Variants in TRRAP observed in about 807,000 individuals in gnomAD.
TRRAP encodes the protein transformation/transcription domain associated protein.
In TRRAP, 41 loss-of-function variants were observed where a neutral mutation model predicts 438.8. That is an observed-to-expected ratio of 0.09 (90% CI 0.07 to 0.12). The LOEUF (loss-of-function observed/expected upper bound fraction) is 0.12, where lower values mean the gene tolerates loss of function less well. TRRAP is among the 10% of genes least tolerant of loss of function. The pLI, the probability that TRRAP is intolerant of heterozygous loss-of-function variation, is 1.00. For synonymous variants in TRRAP, 1,994 were observed against 1,962.9 expected (o/e 1.02, Z -0.42); for missense variants, 3,122 against 5,055.1 (o/e 0.62, Z 11.60).
chr7:98,916,577 G>A (rs1789528978), intron 19 of TRRAP, among the ~76,000 whole-genome samples: 1 of 152,170 alleles, frequency 6.6e-6, no homozygotes, highest in South Asian at 2.1e-4. Context: ...ATCCTTTACT[G>A]TTGACTGAAA....
chr7:98,992,305 C>G (rs553367696), intron 65 of TRRAP, 78 bp downstream of exon 65: 2 of 1,457,566 alleles, frequency 1.4e-6, no homozygotes, highest in Admixed American at 1.7e-5. Flanking sequence ...GACAGACCAC[C>G]GCAGCCACCC....
Position 98,965,949 on chromosome 7 carries a change from G to A in TRRAP, c.7176+54G>A, listed in dbSNP as rs868741506. ...TCCCTTTCAATAAAAGAAAATTCAA[G>A]CCTCAACATCTTGGTCTTTCTGAAA... On this transcript the variant is annotated intron_variant, in intron 49 of 72. Transcript: ENST00000456197. 26 of 1,590,896 alleles carry A rather than the reference G, an allele frequency of 1.6e-5. No homozygotes were observed. The Middle Eastern group carries it at 5.0e-4, about 30-fold the overall frequency.
intron 22 of TRRAP, among the ~76,000 whole-genome samples, chr7:98,925,587 G>A (rs1423856109): frequency 3.3e-5 from 5 of 152,190 alleles, no homozygotes; most frequent in East Asian, 1.9e-4. Context: ...AGCAGCTGGC[G>A]CCTGAAAGGC....
In TRRAP at chr7:98,961,526, G is replaced by A. The variant is rs1245088955; in HGVS notation, c.6703+52G>A. Reference sequence around the variant, plus strand: ...TTCTTTCAAAGTGGACGGTGGGCGCGGAGCTTGCTATGAGAGCGCTTGTCC... The same window carrying A: ...TTCTTTCAAAGTGGACGGTGGGCGCAGAGCTTGCTATGAGAGCGCTTGTCC... On this transcript the variant is annotated intron_variant, in intron 46 of 72. Transcript: ENST00000456197. 37 of 1,594,670 alleles carry A rather than the reference G, an allele frequency of 2.3e-5. No homozygotes were observed. In the East Asian group the frequency reaches 5.2e-4, roughly 22 times the overall value.
intron 45 of TRRAP, among the ~76,000 whole-genome samples, chr7:98,960,604 G>GT (rs1791843212): frequency 6.6e-6 from 1 of 151,730 alleles, no homozygotes; most frequent in Admixed American, 6.6e-5. Flanking sequence ...TTTTTGTTTC[G>GT]TTTTTTTGAG....
Position 98,970,108 on chromosome 7 carries a change from G to A in TRRAP, c.7513-4G>A, listed in dbSNP as rs555843652. 1.2e-6 allele frequency: 2 copies of A among 1,613,520 alleles called. No homozygotes were observed. The highest frequency in any genetic ancestry group is 1.3e-5 in the African/African-American group (1 of 74,998). On this transcript the variant is annotated splice_region_variant and splice_polypyrimidine_tract_variant and intron_variant, in intron 51 of 72. Transcript: ENST00000456197. ...GGTCTGTCTCCTTTCCGCACCCCTT[G>A]CAGCTGCTTCTGGCCGTGTGTGAGA...
At chr7:98,904,242 G>C (rs1261398688) in intron 12 of TRRAP, among the ~76,000 whole-genome samples, 2 of 152,050 alleles carry the variant, frequency 1.3e-5, no homozygotes, top group African/African-American at 2.4e-5. Flanking sequence ...CCAGCACTTA[G>C]GGAGGCCGAG....
At chr7:98,969,804 C>A (rs1705997729) in intron 51 of TRRAP, among the ~76,000 whole-genome samples, 1 of 152,128 alleles carries the variant, frequency 6.6e-6, no homozygotes, top group African/African-American at 2.4e-5. Flanking sequence ...GAGGACGAGT[C>A]TGGGGGTGAG....
chr7:98,953,023 A>G, intron 39 of TRRAP, 144 bp from the exon 40 acceptor site: 1 of 871,808 alleles, frequency 1.1e-6, no homozygotes, highest in Non-Finnish European at 1.6e-6. Flanking sequence ...GTAAAACTTC[A>G]TGTTACATTG....
intron 51 of TRRAP, among the ~76,000 whole-genome samples, chr7:98,968,627 T>C (rs1294813994): frequency 6.6e-6 from 1 of 152,128 alleles, no homozygotes; most frequent in Non-Finnish European, 1.5e-5. Flanking sequence ...TTCTCGTCCA[T>C]TTACCTGGAG....
intron 63 of TRRAP, 112 bp downstream of exon 63, chr7:98,989,078 C>G (rs895666767): frequency 1.2e-4 from 135 of 1,094,662 alleles, no homozygotes; most frequent in Non-Finnish European, 1.7e-4. Context: ...TGATTTCATG[C>G]CTTAACTCTT....
chr7:98,887,046 A>T (rs1486753620), intron 3 of TRRAP, among the ~76,000 whole-genome samples: 5 of 152,118 alleles, frequency 3.3e-5, no homozygotes, highest in African/African-American at 1.2e-4. Context: ...GACTACAGGC[A>T]TGCACCACCA....
intron 26 of TRRAP, among the ~76,000 whole-genome samples, chr7:98,932,690 T>C (rs1310269480): frequency 2.0e-5 from 3 of 152,220 alleles, no homozygotes; most frequent in Non-Finnish European, 2.9e-5. Context: ...TCCCATATAC[T>C]TTAAATTAGT....
Position 98,968,172 on chromosome 7 carries a change from C to T in TRRAP, c.7512+474C>T, listed in dbSNP as rs948887889. Among the ~76,000 whole-genome samples the T allele has an allele frequency of 2.6e-5, 4 of 152,100 alleles. No homozygotes were observed. The East Asian group carries it at 7.7e-4, about 29-fold the overall frequency. ...TAGCTGGGATTATAGGCCCATGTAA[C>T]CACACCCGGCTGATTTTTGTATTTT... On this transcript the variant is annotated intron_variant, in intron 51 of 72. Transcript: ENST00000456197.
In TRRAP at chr7:99,012,849, T is replaced by C. The variant is rs1794484624; in HGVS notation, c.*494T>C. The C allele has an allele frequency of 1.3e-5, 2 of 155,490 alleles. No individual in the cohort carries two copies. The highest frequency in any genetic ancestry group is 2.8e-5 in the Non-Finnish European group (2 of 70,300). 9.6% of individuals were successfully genotyped at this position (155,490 alleles called of 1,614,324 possible). ...TTGATGAACCCATCATGCTGGTTTT[T>C]CTCTGAGCACAAAGTTTTAGGCTGT... is the stretch of plus-strand genomic sequence containing the variant. On this transcript the variant is annotated 3_prime_UTR_variant, in exon 73 of 73. Coordinates refer to ENST00000456197, the MANE Select transcript of TRRAP (RefSeq NM_001375524.1). The surrounding 1 kb of genome is among the most constrained non-coding windows in gnomAD (Gnocchi z 5.9).
At chr7:98,881,062 T>C (rs1795405299) in intron 1 of TRRAP, 28 bp from the exon 2 acceptor site, 8 of 1,093,738 alleles carry the variant, frequency 7.3e-6, no homozygotes, top group Non-Finnish European at 1.0e-5. Context: ...CCTCCATAAA[T>C]TGACTAACTC....
At chr7:98,980,035 G>C (rs1792842648) in intron 58 of TRRAP, among the ~76,000 whole-genome samples, 1 of 152,144 alleles carries the variant, frequency 6.6e-6, no homozygotes, top group South Asian at 2.1e-4. Context: ...ACTAATGTTC[G>C]AGTCCAGACC....
At position 98,964,514 on chromosome 7, in the gene TRRAP, C is replaced by A. The variant is rs1792064533; in HGVS notation, c.6830-115C>A. ...CATGTAAAAGCTCACAGTGTTGACA[C>A]TGGGATTAACTATGCTTTTGTCAGA... On this transcript the variant is annotated intron_variant, in intron 47 of 72. Coordinates refer to ENST00000456197, the MANE Select transcript of TRRAP (RefSeq NM_001375524.1). 4.0e-6 allele frequency: 5 copies of A among 1,262,086 alleles called. No homozygotes were observed. In the East Asian group the frequency reaches 1.2e-4, roughly 30 times the overall value. The allele number at this position is 1,262,086 out of a possible 1,614,324, so 78.2% of individuals were successfully genotyped here.
Position 98,908,903 on chromosome 7 carries a change from C to T in TRRAP, c.1291C>T (p.Arg431Cys). 2 of 1,613,996 alleles carry T rather than the reference C, an allele frequency of 1.2e-6. No homozygotes were observed. The highest frequency in any genetic ancestry group is 1.7e-6 in the Non-Finnish European group (2 of 1,179,964). ...CCTGCTGAACCTGGTGGACTGCATC[C>T]GTTCCAAGAGCGAGCAGGAGAGTGG... ...KLLLNLVDCI[R>C]SKSEQESGNG... Residue 431 changes from arginine to cysteine, a missense_variant, in exon 14 of 73, where the codon CGT (arginine) becomes TGT (cysteine). Around this residue, in one of 24 missense-constraint regions of TRRAP, gnomAD observed 343 missense variants for 564.0 expected, o/e 0.61. Coordinates refer to ENST00000456197, the MANE Select transcript of TRRAP (RefSeq NM_001375524.1). This position sits in a 1 kb window ranked among gnomAD's most constrained non-coding sequence, Gnocchi z 4.1.
Sources: gnomAD v4.1 joint callset for allele counts (sites outside exome capture counted in the v4.1 genomes callset) on GRCh38, gnomAD v4.1.1 for gene constraint, gnomAD v4.1.1 regional missense constraint, Gnocchi (gnomAD v3.1) non-coding constraint, MANE v1.5 for transcripts, NCBI Gene and HGNC (gene_info 2026-07-23, HGNC 2026-07-21) for gene names.